Variants in NFASC observed in about 807,000 individuals in gnomAD.
NFASC encodes the protein neurofascin homolog.
NFASC carries 43 observed loss-of-function variants against 147.5 expected under a neutral mutation model. The observed-to-expected ratio is 0.29, with a 90% CI of 0.23 to 0.38. The LOEUF is 0.38. Among genes scored for constraint, NFASC ranks in the 10% least tolerant of loss-of-function variants. NFASC has a pLI of 1.00. For missense variants in NFASC, 1,320 were observed against 1,689.0 expected, an observed-to-expected ratio of 0.78 and a Z score of 3.83; for synonymous variants, 622 against 665.5, an observed-to-expected ratio of 0.93 and a Z score of 1.01.
At chr1:204,925,325 C>T (rs531720111) in intron 2 of NFASC, among the ~76,000 whole-genome samples, 17 of 152,170 alleles carry the variant, frequency 1.1e-4, no homozygotes, top group African/African-American at 3.1e-4. Flanking sequence ...GAGAATAAAC[C>T]GCGGAAGACC....
Position 205,018,977 on chromosome 1 carries a change from G to A in NFASC, c.*2438G>A, listed in dbSNP as rs568619497. The stretch of plus-strand genomic sequence containing the variant: ...CCTGCCAGGCTCTGTACTGTCCTTT[G>A]TGTATGAAGAAAATGCTGTTAGCCC... On this transcript the variant is annotated 3_prime_UTR_variant, in exon 30 of 30. Coordinates refer to ENST00000339876, the MANE Select transcript of NFASC (RefSeq NM_001005388.3). 6.6e-6 allele frequency: 1 copy of A among 152,414 alleles called. No individual in the cohort carries two copies. Among genetic ancestry groups the A allele is most frequent in the South Asian group, 2.1e-4 (1 of 4,828 alleles). 9.4% of individuals were successfully genotyped at this position (152,414 alleles called of 1,614,324 possible). A position where few individuals can be genotyped will look rare whatever the true frequency, so the allele number is the denominator to read the frequency against.
At chr1:204,926,230 CACTT>C (rs1303062949) in intron 2 of NFASC, among the ~76,000 whole-genome samples, 3 of 151,354 alleles carry the variant, frequency 2.0e-5, no homozygotes, top group Non-Finnish European at 4.4e-5. Context: ...TTTTAGCAAT[CACTT>C]ACTTGGTTTT....
In NFASC at chr1:204,985,074, T is replaced by TACTTGCTTAGAG. The variant is rs59505594; in HGVS notation, c.2471-2342_2471-2331dup. On this transcript the variant is annotated intron_variant, in intron 21 of 29. Coordinates refer to ENST00000339876, the MANE Select transcript of NFASC (RefSeq NM_001005388.3). The stretch of plus-strand genomic sequence containing the variant: ...CCACAGATGACTTGCACCCTTAACC[T>TACTTGCTTAGAG]ACTTGCTTAGAGATTTTTCTGGCTA... 2.1e-3 allele frequency among the ~76,000 whole-genome samples: 313 copies of TACTTGCTTAGAG among 152,344 alleles called. 1 individual carries two copies. Among genetic ancestry groups the TACTTGCTTAGAG allele is most frequent in the African/African-American group, 7.3e-3 (303 of 41,576 alleles).
intron 2 of NFASC, among the ~76,000 whole-genome samples, chr1:204,927,049 TG>T (rs1432987875): frequency 6.6e-5 from 10 of 152,268 alleles, no homozygotes; most frequent in African/African-American, 2.4e-4. Flanking sequence ...CACTCTGGCC[TG>T]GATGACAGAG....
chr1:204,982,276 C>T (rs924231583), intron 21 of NFASC, among the ~76,000 whole-genome samples: 2 of 152,186 alleles, frequency 1.3e-5, no homozygotes, highest in Non-Finnish European at 2.9e-5. Context: ...AAAACTGAGG[C>T]CCAAAAAGGG....
At position 204,976,815 on chromosome 1, in the gene NFASC, C is replaced by G; in HGVS notation, c.1831+20C>G. On this transcript the variant is annotated intron_variant, in intron 16 of 29. Coordinates refer to ENST00000339876, the MANE Select transcript of NFASC (RefSeq NM_001005388.3). ...TGCTAGGTAACTGCCCATGCTCACC[C>G]TGGCACTGACCAGCCCCACCCCCTC... 1 of 1,607,668 alleles carries G rather than the reference C, an allele frequency of 6.2e-7. No individual in the cohort carries two copies. Among genetic ancestry groups the G allele is most frequent in the Non-Finnish European group, 8.5e-7 (1 of 1,176,288 alleles).
At chr1:204,896,170 C>T (rs899523093) in intron 1 of NFASC, among the ~76,000 whole-genome samples, 19 of 152,158 alleles carry the variant, frequency 1.2e-4, no homozygotes, top group Admixed American at 1.2e-3. Context: ...AACTGAGGTG[C>T]ATCGCCTGAA....
intron 8 of NFASC, among the ~76,000 whole-genome samples, chr1:204,960,323 C>T (rs1040220932): frequency 5.3e-5 from 8 of 152,192 alleles, no homozygotes; most frequent in African/African-American, 1.9e-4. Context: ...ATTTTTAAAA[C>T]CTGGGATGCA....
intron 2 of NFASC, among the ~76,000 whole-genome samples, chr1:204,937,947 A>G (rs754513159): frequency 6.6e-6 from 1 of 152,174 alleles, no homozygotes; most frequent in Non-Finnish European, 1.5e-5. Context: ...ATCCCTGCCC[A>G]CTGCATGCAG....
intron 1 of NFASC, among the ~76,000 whole-genome samples, chr1:204,898,570 CTGATCT>C (rs2149147718): frequency 6.6e-6 from 1 of 152,362 alleles, no homozygotes; most frequent in South Asian, 2.1e-4. Flanking sequence ...CACTCTATGG[CTGATCT>C]GGGGTCACTT....
At chr1:204,918,551 A>G (rs12066625) in intron 1 of NFASC, among the ~76,000 whole-genome samples, 32,574 of 140,596 alleles carry the variant, frequency 0.23, 3,956 homozygotes, top group East Asian at 0.45. Flanking sequence ...CATTTGTTTC[A>G]TTTTATCTTC....
At chr1:204,893,213 A>G (rs757222413) in intron 1 of NFASC, among the ~76,000 whole-genome samples, 2 of 152,198 alleles carry the variant, frequency 1.3e-5, no homozygotes, top group Non-Finnish European at 2.9e-5. Context: ...GTAAGGAGGA[A>G]GAGAAGATTT....
chr1:204,989,564 G>A (rs2095679870), intron 23 of NFASC: 1 of 152,258 alleles, frequency 6.6e-6, no homozygotes, highest in Non-Finnish European at 1.5e-5. Flanking sequence ...AGGAGGCAAG[G>A]CTGCAAAAGC....
chr1:204,997,146 G>C (rs371951644), intron 24 of NFASC, 24 bp from the exon 25 acceptor site: 1 of 1,595,334 alleles, frequency 6.3e-7, no homozygotes, highest in Non-Finnish European at 8.6e-7. Flanking sequence ...AACCAGACTC[G>C]GCTGTTTTAC....
intron 1 of NFASC, among the ~76,000 whole-genome samples, chr1:204,831,478 T>C (rs1672214839): frequency 6.6e-6 from 1 of 151,562 alleles, no homozygotes; most frequent in Non-Finnish European, 1.5e-5. Context: ...CTGTGGTGAG[T>C]GAGAGACAGG....
rs748690121 is a variant in NFASC, at chr1:205,016,454, C to T, written c.3638C>T (p.Thr1213Met). ...NEDGSFIGQY[T>M]VKKDKEETEG... is the part of the protein sequence containing the mutation. ...GACGGCTCCTTCATCGGCCAGTACACGGTCAAAAAGGACAAGGAGGAAACA... is the reference window on the plus strand; with the variant it reads ...GACGGCTCCTTCATCGGCCAGTACATGGTCAAAAAGGACAAGGAGGAAACA... Residue 1213 changes from threonine to methionine, a missense_variant, in exon 30 of 30, where the codon ACG becomes ATG. Physicochemically the swap from Thr to Met is moderately conservative, Grantham distance 81 (BLOSUM62 -1). This residue lies in a region of NFASC where 167 missense variants were observed against 233.8 expected (regional missense o/e 0.71). Coordinates refer to ENST00000339876, the MANE Select transcript of NFASC (RefSeq NM_001005388.3). This position sits in a 1 kb window ranked among gnomAD's most constrained non-coding sequence, Gnocchi z 5.1. The T allele has an allele frequency of 8.7e-6, 14 of 1,613,918 alleles. No individual in the cohort carries two copies. The highest frequency in any genetic ancestry group is 4.0e-5 in the African/African-American group (3 of 74,886).
chr1:204,900,614 G>A (rs1047717413), intron 1 of NFASC, among the ~76,000 whole-genome samples: 3 of 152,180 alleles, frequency 2.0e-5, no homozygotes, highest in South Asian at 2.1e-4. Context: ...AGTAAAATAT[G>A]TGTACATTAG....
intron 2 of NFASC, 80 bp downstream of exon 2, chr1:204,920,820 T>A: frequency 8.2e-6 from 5 of 607,236 alleles, no homozygotes; most frequent in Non-Finnish European, 1.1e-5. Flanking sequence ...GCCCCTTCTC[T>A]TTGATAAGGG....
chr1:204,925,544 C>T (rs899821783), intron 2 of NFASC, among the ~76,000 whole-genome samples: 1 of 152,208 alleles, frequency 6.6e-6, no homozygotes, highest in Non-Finnish European at 1.5e-5. Context: ...TGAGTTAATA[C>T]TCACTTCTGT....
Sources: allele counts gnomAD v4.1 joint callset (sites outside exome capture counted in the v4.1 genomes callset), GRCh38; gene constraint gnomAD v4.1.1; regional missense constraint gnomAD v4.1.1; non-coding constraint Gnocchi (gnomAD v3.1); transcripts MANE v1.5; gene names NCBI Gene and HGNC (gene_info 2026-07-23, HGNC 2026-07-21).